The following KHDRBS3 variants were observed in gnomAD, a reference collection of about 807,000 sequenced individuals.
The protein encoded by KHDRBS3 is KH RNA binding domain containing, signal transduction associated 3, also known as KH domain-containing, RNA-binding, signal transduction-associated protein 3.
A neutral mutation model predicts 45.6 loss-of-function variants in KHDRBS3; 23 were observed. That is an observed-to-expected ratio of 0.50 (90% CI 0.36 to 0.72). KHDRBS3 has a LOEUF of 0.72. Ranked by LOEUF, KHDRBS3 falls within the 30% of genes least tolerant of loss-of-function variation. The pLI is 0.00. For synonymous variants in KHDRBS3, 162 were observed against 156.5 expected (o/e 1.04, Z -0.26); for missense variants, 352 against 424.8 (o/e 0.83, Z 1.51).
At position 135,548,885 on chromosome 8, in the gene KHDRBS3, A is replaced by G; in HGVS notation, c.456A>G (p.Lys152=). ...TGGGACATGCTTTGGAAGAAATCAA[A>G]AAGTTCCTCATCCCTGTTAGTACCA... ...ARMGHALEEI[K]KFLIPDYNDE... is the part of the protein sequence containing the mutation. The change falls in exon 4 of 9, where the codon AAA becomes AAG. Residue 152 remains lysine (K), a synonymous_variant. Transcript: ENST00000355849. 3 of 1,586,368 alleles carry G rather than the reference A, an allele frequency of 1.9e-6. No homozygotes were observed. The highest frequency in any genetic ancestry group is 2.6e-6 in the Non-Finnish European group (3 of 1,169,996).
intron 1 of KHDRBS3, among the ~76,000 whole-genome samples, chr8:135,466,227 T>G (rs1318608323): frequency 6.6e-6 from 1 of 152,242 alleles, no homozygotes; most frequent in Non-Finnish European, 1.5e-5. Context: ...TGCCTTTTTT[T>G]GTAGCCACCA....
chr8:135,588,568 C>A (rs539206819), intron 6 of KHDRBS3, among the ~76,000 whole-genome samples: 11 of 152,240 alleles, frequency 7.2e-5, no homozygotes, highest in African/African-American at 2.2e-4. Context: ...GGATGGTTCC[C>A]TTGACAGCCA....
chr8:135,487,330 G>A (rs566248019), intron 1 of KHDRBS3, among the ~76,000 whole-genome samples: 1 of 152,160 alleles, frequency 6.6e-6, no homozygotes, highest in East Asian at 1.9e-4. Flanking sequence ...GGCCATTCTT[G>A]TGTCTCTTTC....
chr8:135,510,265 G>A (rs1167685334), intron 1 of KHDRBS3, among the ~76,000 whole-genome samples: 1 of 152,150 alleles, frequency 6.6e-6, no homozygotes, highest in Non-Finnish European at 1.5e-5. Context: ...GCCTGGCTAG[G>A]CACACTGAAA....
At chr8:135,529,432 G>A (rs895200641) in intron 2 of KHDRBS3, among the ~76,000 whole-genome samples, 10 of 152,202 alleles carry the variant, frequency 6.6e-5, no homozygotes, top group Non-Finnish European at 1.2e-4. Context: ...TCTCCTTACA[G>A]TGCTTGATTA....
intron 1 of KHDRBS3, chr8:135,458,998 C>G (rs1821281834): frequency 2.2e-6 from 1 of 455,696 alleles, no homozygotes; most frequent in African/African-American, 2.0e-5. Flanking sequence ...TGCCACTGGT[C>G]TGTCTTTTCT....
intron 1 of KHDRBS3, among the ~76,000 whole-genome samples, chr8:135,486,304 A>G (rs530743500): frequency 7.9e-5 from 12 of 152,330 alleles, no homozygotes; most frequent in African/African-American, 2.4e-4. Context: ...TAGTCAAAAC[A>G]GTACTTGACA....
rs574687398 is a variant in KHDRBS3, at chr8:135,625,970, G to T, written c.890+18933G>T. 4 of 783,350 alleles carry T rather than the reference G, an allele frequency of 5.1e-6. No individual in the cohort carries two copies. In the East Asian group the frequency reaches 7.4e-5, roughly 14 times the overall value. The allele number at this position is 783,350 out of a possible 1,614,324, so 48.5% of individuals were successfully genotyped here. ...CACTGGTCACTGACGTTGAGTATAC[G>T]TTCACTGCCATCTTCGGCTCTTGGC... On this transcript the variant is annotated intron_variant, in intron 7 of 8. Coordinates refer to ENST00000355849, the MANE Select transcript of KHDRBS3 (RefSeq NM_006558.3).
intron 2 of KHDRBS3, chr8:135,539,386 C>T (rs1004619489): frequency 6.6e-6 from 1 of 152,276 alleles, no homozygotes; most frequent in Non-Finnish European, 1.5e-5. Flanking sequence ...AGGCCAATTC[C>T]TCGGCCGATC....
In KHDRBS3 at chr8:135,457,950, C is replaced by G; in HGVS notation, c.84C>G (p.Asn28Lys). The G allele has an allele frequency of 6.3e-7, 1 of 1,594,692 alleles. No homozygotes were observed. The highest frequency in any genetic ancestry group is 2.3e-5 in the East Asian group (1 of 43,518). The part of the protein sequence containing the change: ...PSFTHALRLV[N>K]QEIEKFQKGE... ...TCACGCACGCCCTGCGCCTGGTGAACCAAGGTGAGGCGCCGGCCGTTAACT... is the reference window on the plus strand; with the variant it reads ...TCACGCACGCCCTGCGCCTGGTGAAGCAAGGTGAGGCGCCGGCCGTTAACT... The change falls in exon 1 of 9, where the codon AAC becomes AAG. Residue 28 changes from asparagine to lysine, a missense_variant. By Grantham distance (94) the Asn-to-Lys change is moderately conservative. Coordinates refer to ENST00000355849, the MANE Select transcript of KHDRBS3 (RefSeq NM_006558.3). This position sits in a 1 kb window ranked among gnomAD's most constrained non-coding sequence, Gnocchi z 4.4.
At chr8:135,485,120 C>T (rs370821900) in intron 1 of KHDRBS3, among the ~76,000 whole-genome samples, 8 of 152,170 alleles carry the variant, frequency 5.3e-5, no homozygotes, top group African/African-American at 1.9e-4. Flanking sequence ...CTTCAGTGCG[C>T]TCCTTTGCCA....
chr8:135,606,844 GA>G (rs1563801984), intron 6 of KHDRBS3, 110 bp from the exon 7 acceptor site: 1 of 738,472 alleles, frequency 1.4e-6, no homozygotes, highest in African/African-American at 1.8e-5. Flanking sequence ...ACTATAAGTA[GA>G]CATATAATTA....
At chr8:135,461,491 C>G (rs2130086429) in intron 1 of KHDRBS3, among the ~76,000 whole-genome samples, 1 of 152,288 alleles carries the variant, frequency 6.6e-6, no homozygotes, top group Admixed American at 6.5e-5. Flanking sequence ...GGATCCCACT[C>G]CGGACCCCGC....
intron 1 of KHDRBS3, among the ~76,000 whole-genome samples, chr8:135,495,535 C>T (rs563559723): frequency 3.3e-5 from 5 of 152,154 alleles, no homozygotes; most frequent in African/African-American, 1.2e-4. Flanking sequence ...AGTGAGAAGA[C>T]GATATTTTCT....
chr8:135,521,865 T>C (rs1256930200), intron 2 of KHDRBS3, among the ~76,000 whole-genome samples: 1 of 152,246 alleles, frequency 6.6e-6, no homozygotes, highest in Admixed American at 6.5e-5. Flanking sequence ...TTTATCCATT[T>C]GTCTAGGCAC....
chr8:135,518,334 A>G (rs1315566018), intron 1 of KHDRBS3, among the ~76,000 whole-genome samples: 4 of 152,028 alleles, frequency 2.6e-5, no homozygotes, highest in Non-Finnish European at 5.9e-5. Context: ...CACCACGTCC[A>G]GCTAATTTTT....
chr8:135,536,999 G>GAAAAAA lies in KHDRBS3; in HGVS notation c.208-5654_208-5653insAAAAAA, dbSNP rs1375807666. 1.9e-3 allele frequency among the ~76,000 whole-genome samples: 55 copies of GAAAAAA among 29,412 alleles called. 8 individuals carry two copies. Among genetic ancestry groups the GAAAAAA allele is most frequent in the African/African-American group, 5.3e-3 (51 of 9,556 alleles). 19.3% of individuals were successfully genotyped at this position (29,412 alleles called of 152,430 possible). On this transcript the variant is annotated intron_variant, in intron 2 of 8. Coordinates refer to ENST00000355849, the MANE Select transcript of KHDRBS3 (RefSeq NM_006558.3). ...AAAAAAAAAAAAAAAAAAAAAAAAG[G>GAAAAAA]AGATGTTTAGGAGGTAAAATCATTA...
chr8:135,470,008 A>G (rs2130192052), intron 1 of KHDRBS3, among the ~76,000 whole-genome samples: 1 of 152,348 alleles, frequency 6.6e-6, no homozygotes, highest in South Asian at 2.1e-4. Context: ...TACTGCTTAA[A>G]TTTTTATTTA....
rs1231755384 is a variant in KHDRBS3 at position 135,569,919 on chromosome 8, T to C, written c.612-11959T>C. Among the ~76,000 whole-genome samples the C allele has an allele frequency of 4.0e-5, 6 of 151,774 alleles. No individual in the cohort carries two copies. The East Asian group carries it at 1.2e-3, about 29-fold the overall frequency. ...ACCAAACCCAATTCCATACAGTTTT[T>C]TAAGAAGAAAGAAAAACAAAAACAA... On this transcript the variant is annotated intron_variant, in intron 5 of 8. Coordinates refer to ENST00000355849, the MANE Select transcript of KHDRBS3 (RefSeq NM_006558.3).
Sources: allele counts gnomAD v4.1 joint callset (sites outside exome capture counted in the v4.1 genomes callset), GRCh38; gene constraint gnomAD v4.1.1; non-coding constraint Gnocchi (gnomAD v3.1); transcripts MANE v1.5; gene names NCBI Gene and HGNC (gene_info 2026-07-23, HGNC 2026-07-21).